LHX2: variants seen among roughly 807,000 people sequenced by gnomAD.
LHX2 encodes LIM homeobox 2.
A neutral mutation model predicts 33.0 loss-of-function variants in LHX2; 6 were observed. The ratio of observed to expected loss-of-function variants is 0.18; its 90% CI spans 0.10 to 0.36. The LOEUF is 0.36. Ranked by LOEUF, LHX2 falls within the 10% of genes least tolerant of loss-of-function variation. The probability of loss-of-function intolerance (pLI) is 1.00; values close to 1 mark genes in which losing one functional copy is unlikely to be tolerated. For missense variants in LHX2, 442 were observed against 586.2 expected, an observed-to-expected ratio of 0.75 and a Z score of 2.54; for synonymous variants, 292 against 253.1, an observed-to-expected ratio of 1.15 and a Z score of -1.46.
At chr9:124,026,191 G>A (rs1044185498) in intron 4 of LHX2, among the ~76,000 whole-genome samples, 15 of 152,210 alleles carry the variant, frequency 9.9e-5, no homozygotes, top group Non-Finnish European at 2.1e-4. Flanking sequence ...GGGCGTGGTG[G>A]CTCACGCCTG....
rs751859167 is a variant in LHX2 at position 124,021,108 on chromosome 9, G to C, written c.737G>C (p.Cys246Ser). 1.2e-6 allele frequency: 2 copies of C among 1,614,044 alleles called. No individual in the cohort carries two copies. The highest frequency in any genetic ancestry group is 1.7e-6 in the Non-Finnish European group (2 of 1,180,030). The part of the protein sequence containing the change: ...DLAAYNAALS[C>S]NENDAEHLDR... ...TGTGTCTCCTCCCTAGCGCTAAGCT[G>C]CAACGAAAACGACGCAGAGCACCTG... is the stretch of plus-strand genomic sequence containing the variant. The change falls in exon 4 of 5, where the codon TGC becomes TCC. Residue 246 changes from cysteine to serine, a missense_variant. Around this residue, in one of 5 missense-constraint regions of LHX2, gnomAD observed 132 missense variants for 139.1 expected, o/e 0.95. Transcript: ENST00000373615.
Position 124,011,789 on chromosome 9 carries a change from C to A in LHX2, c.-560C>A. The A allele has an allele frequency of 6.5e-6, 1 of 153,804 alleles. No individual in the cohort carries two copies. Among genetic ancestry groups the A allele is most frequent in the South Asian group, 1.8e-4 (1 of 5,608 alleles). 9.5% of individuals were successfully genotyped at this position (153,804 alleles called of 1,614,324 possible). ...CTTCAATTCTCCCGGTGGCTCGACT[C>A]GGCTCGCAGGCTTCGGAGAAACCCC... On this transcript the variant is annotated 5_prime_UTR_variant, in exon 1 of 5. Coordinates refer to ENST00000373615, the MANE Select transcript of LHX2 (RefSeq NM_004789.4).
rs1173920591 is a variant in LHX2 at position 124,015,038 on chromosome 9, C to CGCA, written c.324-75_324-73dup. On this transcript the variant is annotated intron_variant, in intron 2 of 4. Coordinates refer to ENST00000373615, the MANE Select transcript of LHX2 (RefSeq NM_004789.4). The surrounding 1 kb of genome is among the most constrained non-coding windows in gnomAD (Gnocchi z 7.9). The stretch of plus-strand genomic sequence containing the variant: ...TCGTCTTGAGGAGGGGATTGCCCCC[C>CGCA]GCAGCAGCAGCGGCACCTGGAGGAG... 2 of 1,519,054 alleles carry CGCA rather than the reference C, an allele frequency of 1.3e-6. No individual in the cohort carries two copies. The highest frequency in any genetic ancestry group is 1.2e-5 in the South Asian group (1 of 83,196). 94.1% of individuals were successfully genotyped at this position (1,519,054 alleles called of 1,614,324 possible). A position where few individuals can be genotyped will look rare whatever the true frequency, so the allele number is the denominator to read the frequency against.
At chr9:124,024,498 A>C (rs1828573292) in intron 4 of LHX2, among the ~76,000 whole-genome samples, 1 of 152,250 alleles carries the variant, frequency 6.6e-6, no homozygotes, top group Non-Finnish European at 1.5e-5. Context: ...CTGACTTACC[A>C]GCAGTGAGAT....
Position 124,016,385 on chromosome 9 carries a change from T to C in LHX2, c.727+860T>C, listed in dbSNP as rs1188915620. Among the ~76,000 whole-genome samples the C allele has an allele frequency of 6.6e-6, 1 of 152,230 alleles. No homozygotes were observed. Among genetic ancestry groups the C allele is most frequent in the Non-Finnish European group, 1.5e-5 (1 of 68,032 alleles). ...TTCCGGCAAATGAGCCGTCAACATC[T>C]GCCCGAAGTCTGCAAGGCCCGGAAA... On this transcript the variant is annotated intron_variant, in intron 3 of 4. Transcript: ENST00000373615. The surrounding 1 kb of genome is among the most constrained non-coding windows in gnomAD (Gnocchi z 4.4).
chr9:124,019,189 C>G (rs896466183), intron 3 of LHX2, among the ~76,000 whole-genome samples: 1 of 152,212 alleles, frequency 6.6e-6, no homozygotes, highest in Non-Finnish European at 1.5e-5. Context: ...GGGAATGCAG[C>G]CCCGGGGGTG....
Position 124,032,602 on chromosome 9 carries a change from C to T in LHX2, c.1116C>T (p.Ser372=), listed in dbSNP as rs766330309. 5.0e-6 allele frequency: 8 copies of T among 1,614,178 alleles called. No individual in the cohort carries two copies. The South Asian group carries it at 6.6e-5, about 13-fold the overall frequency. The change falls in exon 5 of 5, where the codon AGC becomes AGT. Residue 372 remains serine (S), a synonymous_variant. Transcript: ENST00000373615. This position sits in a 1 kb window ranked among gnomAD's most constrained non-coding sequence, Gnocchi z 4.1. Reference sequence around the variant, plus strand: ...CCACCACCCTGACAGACTTGACTAGCCCCACCCTGCCAACTGTGACGTCCG... The same window carrying T: ...CCACCACCCTGACAGACTTGACTAGTCCCACCCTGCCAACTGTGACGTCCG... ...STPTTLTDLT[S]PTLPTVTSVL...
chr9:124,012,420 C>A lies in LHX2; in HGVS notation c.72C>A (p.Ser24Arg). Residue 24 changes from serine (S) to arginine (R), a missense_variant, in exon 1 of 5, where the codon AGC becomes AGA. Physicochemically the swap from Ser to Arg is moderately radical, Grantham distance 110. Coordinates refer to ENST00000373615, the MANE Select transcript of LHX2 (RefSeq NM_004789.4). The surrounding 1 kb of genome is among the most constrained non-coding windows in gnomAD (Gnocchi z 4.3). ...ACGAGATGGACCGCAGGGCCAAGAG[C>A]GAGGCTCCCGCCATCAGCTCCGCCA... is the stretch of plus-strand genomic sequence containing the variant. ...VIDEMDRRAKSEAPAISSAID... is the reference protein window; with the variant it reads ...VIDEMDRRAKREAPAISSAID... The A allele has an allele frequency of 3.3e-6, 5 of 1,537,040 alleles. No homozygotes were observed. The highest frequency in any genetic ancestry group is 4.4e-6 in the Non-Finnish European group (5 of 1,147,540).
At chr9:124,022,252 C>T (rs953077186) in intron 4 of LHX2, among the ~76,000 whole-genome samples, 1 of 152,104 alleles carries the variant, frequency 6.6e-6, no homozygotes, top group Admixed American at 6.6e-5. Context: ...ATTATGCTGC[C>T]GGGTTATCCA....
intron 3 of LHX2, among the ~76,000 whole-genome samples, chr9:124,020,025 C>T (rs562557060): frequency 6.6e-6 from 1 of 152,340 alleles, no homozygotes; most frequent in African/African-American, 2.4e-5. Flanking sequence ...AGGCTCCCTC[C>T]TCCCTTCGTG....
intron 4 of LHX2, among the ~76,000 whole-genome samples, chr9:124,025,235 G>T (rs1052562375): frequency 6.6e-6 from 1 of 152,072 alleles, no homozygotes; most frequent in South Asian, 2.1e-4. Flanking sequence ...AAGGTCAGGA[G>T]ATCGAAACCA....
intron 3 of LHX2, 23 bp from the exon 4 acceptor site, chr9:124,021,076 C>T (rs1859283631): frequency 1.9e-6 from 3 of 1,611,902 alleles, no homozygotes; most frequent in South Asian, 1.1e-5. Context: ...AGTTCACCCA[C>T]CGGCTCTGTG....
chr9:124,031,272 C>A (rs190092812), intron 4 of LHX2, among the ~76,000 whole-genome samples: 1 of 152,288 alleles, frequency 6.6e-6, no homozygotes, highest in African/African-American at 2.4e-5. Flanking sequence ...CTCCCCCAAC[C>A]GATGATGGGG....
intron 3 of LHX2, among the ~76,000 whole-genome samples, chr9:124,020,366 C>T (rs1053658264): frequency 1.3e-4 from 20 of 152,118 alleles, no homozygotes; most frequent in African/African-American, 4.3e-4. Context: ...CACTTGTTCA[C>T]GGAGAAACAA....
Position 124,016,769 on chromosome 9 carries a change from G to C in LHX2, c.727+1244G>C, listed in dbSNP as rs1450618113. 6.6e-6 allele frequency among the ~76,000 whole-genome samples: 1 copy of C among 152,118 alleles called. No homozygotes were observed. ...GTAAATGGTGAAGCAGCGGTAGGCCGGTCGGTGGCGCGGATTTAAGATTTG... is the reference window on the plus strand; with the variant it reads ...GTAAATGGTGAAGCAGCGGTAGGCCCGTCGGTGGCGCGGATTTAAGATTTG... On this transcript the variant is annotated intron_variant, in intron 3 of 4. Transcript: ENST00000373615. The surrounding 1 kb of genome is among the most constrained non-coding windows in gnomAD (Gnocchi z 4.4).
intron 4 of LHX2, among the ~76,000 whole-genome samples, chr9:124,023,969 G>C (rs1828561840): frequency 6.6e-6 from 1 of 152,224 alleles, no homozygotes; most frequent in Non-Finnish European, 1.5e-5. Context: ...ATCCAGATGA[G>C]AAGGCAGAGG....
Position 124,032,825 on chromosome 9 carries a change from G to T in LHX2, c.*118G>T. On this transcript the variant is annotated 3_prime_UTR_variant, in exon 5 of 5. Transcript: ENST00000373615. This position sits in a 1 kb window ranked among gnomAD's most constrained non-coding sequence, Gnocchi z 4.1. ...CTAACTAACCACATTTTAGGATCTC[G>T]CCTGGAAACAGAGGTAAAAAAAAGA... 2 of 1,190,358 alleles carry T rather than the reference G, an allele frequency of 1.7e-6. No individual in the cohort carries two copies. The highest frequency in any genetic ancestry group is 1.7e-5 in the South Asian group (1 of 60,382). The allele number at this position is 1,190,358 out of a possible 1,614,324, so 73.7% of individuals were successfully genotyped here.
Position 124,013,969 on chromosome 9 carries a change from G to C in LHX2, c.129G>C (p.Pro43=). The C allele has an allele frequency of 6.2e-7, 1 of 1,612,586 alleles. No individual in the cohort carries two copies. Among genetic ancestry groups the C allele is most frequent in the Middle Eastern group, 1.7e-4 (1 of 5,802 alleles). ...IDRGDTETTM[P]SISSDRAALC... ...CCTCCCTCCCTTCGCAGACCATGCC[G>C]TCCATCAGCAGTGACCGCGCCGCGC... The change falls in exon 2 of 5, where the codon CCG becomes CCC. Residue 43 remains proline (P), a synonymous_variant. Coordinates refer to ENST00000373615, the MANE Select transcript of LHX2 (RefSeq NM_004789.4).
chr9:124,022,643 C>T (rs569615660), intron 4 of LHX2, among the ~76,000 whole-genome samples: 2 of 152,332 alleles, frequency 1.3e-5, no homozygotes, highest in Admixed American at 6.5e-5. Flanking sequence ...GGAGGTGACA[C>T]AGAGGGATGA....
Sources: gnomAD v4.1 joint callset for allele counts (sites outside exome capture counted in the v4.1 genomes callset) on GRCh38, gnomAD v4.1.1 for gene constraint, gnomAD v4.1.1 regional missense constraint, Gnocchi (gnomAD v3.1) non-coding constraint, MANE v1.5 for transcripts, NCBI Gene and HGNC (gene_info 2026-07-23, HGNC 2026-07-21) for gene names.